FNIP1: variants seen among roughly 807,000 people sequenced by gnomAD.
FNIP1 encodes the protein folliculin interacting protein 1.
In FNIP1, 40 loss-of-function variants were observed where a neutral mutation model predicts 124.5. The observed-to-expected ratio is 0.32, with a 90% confidence interval of 0.25 to 0.42. The LOEUF is 0.42. Ranked by LOEUF, FNIP1 falls within the 10% of genes least tolerant of loss-of-function variation. The pLI is 1.00. For synonymous variants in FNIP1, 472 were observed against 470.6 expected, an observed-to-expected ratio of 1.00 and a Z score of -0.04; for missense variants, 1,176 against 1,403.7, an observed-to-expected ratio of 0.84 and a Z score of 2.59.
intron 15 of FNIP1, among the ~76,000 whole-genome samples, chr5:131,664,804 T>C (rs1767546218): frequency 6.6e-6 from 1 of 151,106 alleles, no homozygotes; most frequent in Non-Finnish European, 1.5e-5. Context: ...TTAAAACAGA[T>C]AATATAAAAT....
intron 1 of FNIP1, among the ~76,000 whole-genome samples, chr5:131,756,371 T>A (rs560081678): frequency 3.3e-5 from 5 of 152,148 alleles, no homozygotes; most frequent in African/African-American, 1.2e-4. Context: ...GCATGGTCAC[T>A]CAGGTAGAAG....
chr5:131,655,843 G>A (rs956338619), intron 15 of FNIP1, among the ~76,000 whole-genome samples: 2 of 151,898 alleles, frequency 1.3e-5, no homozygotes, highest in Non-Finnish European at 2.9e-5. Flanking sequence ...GCGTGAACCC[G>A]GGAGGTGGAG....
chr5:131,705,608 G>C (rs1168926684), intron 9 of FNIP1, among the ~76,000 whole-genome samples: 1 of 152,210 alleles, frequency 6.6e-6, no homozygotes, highest in East Asian at 1.9e-4. Context: ...TGAAGATATG[G>C]AGAAATTGGA....
chr5:131,778,839 G>C (rs1261123268), intron 1 of FNIP1, among the ~76,000 whole-genome samples: 7 of 139,256 alleles, frequency 5.0e-5, no homozygotes, highest in African/African-American at 1.6e-4. Context: ...AGTTCATGTC[G>C]TTTGTAGGGA....
chr5:131,788,066 C>T (rs1014618723), intron 1 of FNIP1, among the ~76,000 whole-genome samples: 11 of 152,076 alleles, frequency 7.2e-5, no homozygotes, highest in African/African-American at 2.7e-4. Context: ...TCAAGAAAGG[C>T]ATCAACGGTT....
chr5:131,727,097 T>C (rs1011508533), intron 3 of FNIP1, among the ~76,000 whole-genome samples: 8 of 152,330 alleles, frequency 5.3e-5, no homozygotes, highest in Middle Eastern at 3.4e-3. Context: ...ATAAGTGTGA[T>C]GTGTTGCTGA....
chr5:131,651,648 T>G (rs1767043019), intron 16 of FNIP1, among the ~76,000 whole-genome samples, 154 bp downstream of exon 16: 1 of 152,132 alleles, frequency 6.6e-6, no homozygotes. Flanking sequence ...AGATCCTATC[T>G]CCAAATACTG....
intron 10 of FNIP1, among the ~76,000 whole-genome samples, chr5:131,701,765 C>T (rs757050683): frequency 1.3e-5 from 2 of 152,122 alleles, no homozygotes; most frequent in Non-Finnish European, 2.9e-5. Flanking sequence ...ACCAAGTGCT[C>T]GTTTCAGCAG....
intron 6 of FNIP1, among the ~76,000 whole-genome samples, chr5:131,714,159 A>G (rs923229530): frequency 3.9e-5 from 6 of 152,312 alleles, no homozygotes; most frequent in African/African-American, 1.2e-4. Flanking sequence ...AGGCAGGCCC[A>G]TTTTGGGGAG....
At chr5:131,646,988 T>C (rs1377977463) in intron 17 of FNIP1, 102 bp downstream of exon 17, 4 of 948,414 alleles carry the variant, frequency 4.2e-6, no homozygotes, top group Middle Eastern at 2.2e-4. Flanking sequence ...CAGCTTCTAA[T>C]AGGAGAAGAC....
At chr5:131,791,105 C>A (rs889606353) in intron 1 of FNIP1, among the ~76,000 whole-genome samples, 7 of 152,120 alleles carry the variant, frequency 4.6e-5, no homozygotes, top group African/African-American at 1.7e-4. Flanking sequence ...AAACAAAAAA[C>A]CTGCAGTGAA....
chr5:131,741,115 T>C (rs1191922055), intron 2 of FNIP1, among the ~76,000 whole-genome samples: 1 of 152,184 alleles, frequency 6.6e-6, no homozygotes, highest in Non-Finnish European at 1.5e-5. Flanking sequence ...CTTTACTTTC[T>C]TAATAAACTT....
Position 131,698,999 on chromosome 5 carries a change from T to C in FNIP1, c.1120A>G (p.Met374Val), listed in dbSNP as rs551838274. The C allele has an allele frequency of 7.5e-6, 12 of 1,607,856 alleles. No homozygotes were observed. In the East Asian group the frequency reaches 1.3e-4, roughly 18 times the overall value. ...TCAGCTGATCTCCGGCTCATTTTCA[T>C]AGCCTTGAAAACAATCATTGAGATA... is the stretch of plus-strand genomic sequence containing the variant. ...NKLKSAIEQA[M>V]KMSRRSADAS... The change falls in exon 11 of 18, where the codon ATG (methionine) becomes GTG (valine). Residue 374 changes from methionine to valine, a missense_variant. Met to Val is a conservative substitution (Grantham distance 21, BLOSUM62 1). This residue lies in a region of FNIP1 where 1,109 missense variants were observed against 1,288.5 expected (regional missense o/e 0.86). Transcript: ENST00000510461.
At chr5:131,678,799 C>T (rs368100239) in intron 12 of FNIP1, among the ~76,000 whole-genome samples, 1 of 152,182 alleles carries the variant, frequency 6.6e-6, no homozygotes, top group Non-Finnish European at 1.5e-5. Context: ...GATAATTCTA[C>T]AATATGTCAG....
intron 1 of FNIP1, among the ~76,000 whole-genome samples, chr5:131,763,816 A>G (rs574101509): frequency 1.8e-4 from 27 of 152,334 alleles, no homozygotes; most frequent in African/African-American, 5.8e-4. Context: ...GCAAGCCTCA[A>G]TTGAAACAAC....
chr5:131,742,015 G>A (rs1770528331), intron 2 of FNIP1, among the ~76,000 whole-genome samples: 1 of 152,108 alleles, frequency 6.6e-6, no homozygotes, highest in Non-Finnish European at 1.5e-5. Context: ...GATGGACGCT[G>A]CTTCCAAATG....
At chr5:131,683,367 A>G (rs1361834272) in intron 11 of FNIP1, among the ~76,000 whole-genome samples, 1 of 151,782 alleles carries the variant, frequency 6.6e-6, no homozygotes, top group Non-Finnish European at 1.5e-5. Flanking sequence ...GCTAACACGG[A>G]GAAACCCTGT....
In FNIP1 at chr5:131,675,359, G is replaced by A. The variant is rs542889346; in HGVS notation, c.1519+2344C>T. Among the ~76,000 whole-genome samples the A allele has an allele frequency of 5.9e-5, 9 of 152,184 alleles. No individual in the cohort carries two copies. In the East Asian group the frequency reaches 7.7e-4, roughly 13 times the overall value. ...ATATTACCTACAGTCTTAGACTGTCGACTTCTTGAGGGCAATTTCCAAATC... is the reference window on the plus strand; with the variant it reads ...ATATTACCTACAGTCTTAGACTGTCAACTTCTTGAGGGCAATTTCCAAATC... On this transcript the variant is annotated intron_variant, in intron 13 of 17. Coordinates refer to ENST00000510461, the MANE Select transcript of FNIP1 (RefSeq NM_133372.3).
intron 5 of FNIP1, 150 bp from the exon 6 acceptor site, chr5:131,716,806 G>T: frequency 3.7e-6 from 2 of 536,972 alleles, no homozygotes; most frequent in Non-Finnish European, 3.2e-6. Flanking sequence ...ATCAGAGGTT[G>T]GTAAACTATA....
Sources: allele counts gnomAD v4.1 joint callset (sites outside exome capture counted in the v4.1 genomes callset), GRCh38; gene constraint gnomAD v4.1.1; regional missense constraint gnomAD v4.1.1; transcripts MANE v1.5; gene names NCBI Gene and HGNC (gene_info 2026-07-23, HGNC 2026-07-21).